The following TTC3 variants were observed in gnomAD, a reference collection of about 807,000 sequenced individuals.
The protein encoded by TTC3 is tetratricopeptide repeat domain 3.
Under a neutral mutation model 249.6 loss-of-function variants are expected in TTC3, and 180 were observed. The observed-to-expected ratio is 0.72, with a 90% CI of 0.64 to 0.82. The LOEUF (loss-of-function observed/expected upper bound fraction) is 0.82, where lower values mean the gene tolerates loss of function less well. Ranked by LOEUF, TTC3 falls within the 40% of genes least tolerant of loss-of-function variation. TTC3 has a pLI of 0.00. For missense variants in TTC3, 2,061 were observed against 2,398.4 expected (o/e 0.86, Z 2.94); for synonymous variants, 717 against 805.0 (o/e 0.89, Z 1.85).
exon 26 of TTC3, chr21:37,151,935 A>G: frequency 6.2e-7 from 1 of 1,606,446 alleles, no homozygotes; most frequent in South Asian, 1.1e-5. Context: ...AATTGAAGAG[A>G]AAGATCCAAA....
chr21:37,122,397 C>G (rs1021292893), intron 12 of TTC3, among the ~76,000 whole-genome samples: 1 of 141,768 alleles, frequency 7.1e-6, no homozygotes, highest in Admixed American at 7.4e-5. Context: ...AATTCTGCAG[C>G]GTGCTGAATA....
At chr21:37,118,732 T>C (rs1301230735) in intron 11 of TTC3, among the ~76,000 whole-genome samples, 1 of 152,170 alleles carries the variant, frequency 6.6e-6, no homozygotes, top group Non-Finnish European at 1.5e-5. Flanking sequence ...GTCAGCTTCA[T>C]GTTTAGTCTT....
intron 41 of TTC3, 75 bp from the exon 42 acceptor site, chr21:37,195,600 T>C (rs764795438): frequency 6.6e-7 from 1 of 1,517,058 alleles, no homozygotes; most frequent in South Asian, 1.3e-5. Context: ...TATTTATTCA[T>C]CGGCCTTTGT....
chr21:37,140,522 T>C, intron 19 of TTC3, 39 bp from the exon 20 acceptor site: 1 of 1,302,758 alleles, frequency 7.7e-7, no homozygotes, highest in South Asian at 1.7e-5. Context: ...AGTATTTCTC[T>C]TTGTATGTAA....
intron 44 of TTC3, among the ~76,000 whole-genome samples, chr21:37,198,947 T>G (rs1292792654): frequency 2.6e-5 from 4 of 152,168 alleles, no homozygotes; most frequent in African/African-American, 9.7e-5. Flanking sequence ...GTTAAGTGTA[T>G]ATTTTTTTCA....
chr21:37,151,045 AAGAGAACT>A (rs2079419075), intron 25 of TTC3, among the ~76,000 whole-genome samples, 161 bp downstream of exon 25: 1 of 152,160 alleles, frequency 6.6e-6, no homozygotes, highest in Admixed American at 6.5e-5. Flanking sequence ...TTAAAACTTA[AAGAGAACT>A]AGCCTAGAAT....
At chr21:37,150,419 G>GT (rs1315924254) in intron 24 of TTC3, among the ~76,000 whole-genome samples, 1 of 151,986 alleles carries the variant, frequency 6.6e-6, no homozygotes, top group South Asian at 2.1e-4. Flanking sequence ...TATTTTTACT[G>GT]TTTTTGATAA....
At chr21:37,104,588 C>CAAA (rs141618903) in intron 10 of TTC3, among the ~76,000 whole-genome samples, 81 of 104,242 alleles carry the variant, frequency 7.8e-4, no homozygotes, top group African/African-American at 2.3e-3. Flanking sequence ...AACTCCGTCT[C>CAAA]AAAAAAAAAA....
In TTC3 at chr21:37,176,560, A is replaced by T. The variant is rs200936606; in HGVS notation, c.4617+3816A>T. 2.0e-5 allele frequency among the ~76,000 whole-genome samples: 3 copies of T among 152,302 alleles called. No individual in the cohort carries two copies. The South Asian group carries it at 6.2e-4, about 32-fold the overall frequency. On this transcript the variant is annotated intron_variant, in intron 35 of 45. Transcript: ENST00000355666. The stretch of plus-strand genomic sequence containing the variant: ...GCCTGCCAAAACTTCCTCAGCCCAC[A>T]CTGGTGCAGAGGTGGGATTCTCCTC...
intron 10 of TTC3, among the ~76,000 whole-genome samples, chr21:37,104,710 G>T (rs2074907457): frequency 6.6e-6 from 1 of 152,134 alleles, no homozygotes; most frequent in Admixed American, 6.6e-5. Flanking sequence ...AACATGTTTG[G>T]AATAGCCAGC....
At chr21:37,181,867 C>G (rs547619527) in intron 35 of TTC3, among the ~76,000 whole-genome samples, 1 of 152,228 alleles carries the variant, frequency 6.6e-6, no homozygotes, top group African/African-American at 2.4e-5. Flanking sequence ...GTTTCTATAG[C>G]TGAAATGACC....
intron 11 of TTC3, among the ~76,000 whole-genome samples, chr21:37,114,263 G>T (rs1346673799): frequency 6.6e-6 from 1 of 151,936 alleles, no homozygotes; most frequent in African/African-American, 2.4e-5. Flanking sequence ...CCTACAAAAT[G>T]GGAGAAAATT....
intron 21 of TTC3, among the ~76,000 whole-genome samples, chr21:37,144,979 T>G (rs1360910871): frequency 1.3e-5 from 2 of 152,192 alleles, no homozygotes; most frequent in Non-Finnish European, 2.9e-5. Context: ...TCCTGGAACT[T>G]GAGTCCAGGC....
chr21:37,186,304 C>T (rs1046620177), intron 37 of TTC3, among the ~76,000 whole-genome samples: 1 of 152,206 alleles, frequency 6.6e-6, no homozygotes, highest in African/African-American at 2.4e-5. Flanking sequence ...GTTTCTTACG[C>T]ACATTCCCAT....
intron 1 of TTC3, among the ~76,000 whole-genome samples, chr21:37,074,968 C>T (rs2070627013): frequency 1.3e-5 from 2 of 152,088 alleles, no homozygotes; most frequent in South Asian, 2.1e-4. Flanking sequence ...ACTTCAGATA[C>T]TCTTTTTTTT....
intron 27 of TTC3, among the ~76,000 whole-genome samples, chr21:37,155,050 G>A (rs1569081412): frequency 6.6e-6 from 1 of 152,160 alleles, no homozygotes; most frequent in Non-Finnish European, 1.5e-5. Context: ...AAGGATATAT[G>A]TATACTATTT....
At chr21:37,124,676 G>A (rs375502248) in exon 14 of TTC3, 11 of 1,613,432 alleles carry the variant, frequency 6.8e-6, no homozygotes, top group South Asian at 6.6e-5. Context: ...TTAACTTTGT[G>A]GAGAAGGAAA....
chr21:37,159,608 G>A, intron 28 of TTC3, 91 bp from the exon 29 acceptor site: 1 of 1,377,318 alleles, frequency 7.3e-7, no homozygotes, highest in Non-Finnish European at 1.0e-6. Flanking sequence ...GCCTATGCCA[G>A]TAGTATGAGG....
intron 28 of TTC3, chr21:37,158,159 GCTA>G: frequency 1.0e-6 from 1 of 985,428 alleles, no homozygotes; most frequent in Non-Finnish European, 1.2e-6. Flanking sequence ...AAGGTGACAT[GCTA>G]CTTGATAGCC....
Sources: gnomAD v4.1 joint callset for allele counts (sites outside exome capture counted in the v4.1 genomes callset) on GRCh38, gnomAD v4.1.1 for gene constraint, MANE v1.5 for transcripts, NCBI Gene and HGNC (gene_info 2026-07-23, HGNC 2026-07-21) for gene names.